Variants in FAM178B observed in about 807,000 individuals in gnomAD.
FAM178B encodes protein FAM178B.
In FAM178B, 82 loss-of-function variants were observed where a neutral mutation model predicts 91.7. The observed-to-expected ratio is 0.89, with a 90% CI of 0.75 to 1.07. The LOEUF (loss-of-function observed/expected upper bound fraction) is 1.07. Among genes scored for constraint, FAM178B ranks in the 50% least tolerant of loss-of-function variants. The probability of loss-of-function intolerance (pLI) is 0.00; values close to 1 mark genes in which losing one functional copy is unlikely to be tolerated. For synonymous variants in FAM178B, 368 were observed against 359.4 expected (o/e 1.02, Z -0.27); for missense variants, 769 against 846.7 (o/e 0.91, Z 1.14).
chr2:96,906,206 T>TTC (rs1267771656), intron 12 of FAM178B, among the ~76,000 whole-genome samples: 2 of 144,212 alleles, frequency 1.4e-5, no homozygotes, highest in South Asian at 2.2e-4. Context: ...TTTTCTTTCT[T>TTC]TTTTTTTTTT....
At chr2:96,934,460 C>T (rs970193262) in intron 8 of FAM178B, among the ~76,000 whole-genome samples, 12 of 152,132 alleles carry the variant, frequency 7.9e-5, no homozygotes, top group African/African-American at 2.4e-4. Flanking sequence ...TGAAGGGAAG[C>T]CACTGGACTT....
At chr2:96,923,628 G>A (rs887931736) in intron 9 of FAM178B, 45 bp from the exon 10 acceptor site, 20 of 1,466,996 alleles carry the variant, frequency 1.4e-5, no homozygotes, top group Non-Finnish European at 1.8e-5. Context: ...CCAGGAGGGG[G>A]CACAGGGGCA....
chr2:96,904,713 G>A (rs995545681), intron 12 of FAM178B, among the ~76,000 whole-genome samples: 9 of 151,924 alleles, frequency 5.9e-5, no homozygotes, highest in Non-Finnish European at 2.9e-5. Context: ...TCATTTATAT[G>A]AGGTACAAAC....
At chr2:96,955,707 G>A (rs2081989947) in intron 6 of FAM178B, among the ~76,000 whole-genome samples, 1 of 152,128 alleles carries the variant, frequency 6.6e-6, no homozygotes, top group Admixed American at 6.5e-5. Context: ...ATAAGCGAGT[G>A]TTACCACAGG....
At chr2:96,949,471 A>T (rs2081888795) in intron 7 of FAM178B, among the ~76,000 whole-genome samples, 1 of 152,208 alleles carries the variant, frequency 6.6e-6, no homozygotes, top group East Asian at 1.9e-4. Flanking sequence ...GCAGGGAGAC[A>T]GCAGCAGAGG....
chr2:96,953,918 C>T (rs1252974300), intron 6 of FAM178B, among the ~76,000 whole-genome samples: 1 of 152,144 alleles, frequency 6.6e-6, no homozygotes, highest in Non-Finnish European at 1.5e-5. Context: ...ACAGCAGCAC[C>T]TGGGCTGGGA....
At chr2:96,948,875 G>A (rs2081876602) in intron 7 of FAM178B, among the ~76,000 whole-genome samples, 2 of 152,132 alleles carry the variant, frequency 1.3e-5, no homozygotes, top group African/African-American at 4.8e-5. Flanking sequence ...AGGGGTCACC[G>A]GGCTCCAGAG....
At chr2:96,880,952 G>A (rs2080367818) in intron 14 of FAM178B, among the ~76,000 whole-genome samples, 1 of 152,074 alleles carries the variant, frequency 6.6e-6, no homozygotes, top group South Asian at 2.1e-4. Flanking sequence ...ACTGGGTTTG[G>A]GGTGGGTGTG....
At chr2:96,961,117 G>A (rs1274386326) in intron 5 of FAM178B, among the ~76,000 whole-genome samples, 1 of 152,190 alleles carries the variant, frequency 6.6e-6, no homozygotes, top group Non-Finnish European at 1.5e-5. Context: ...CATGGACAAA[G>A]AAGGGACGAG....
In FAM178B at chr2:96,960,394, C is replaced by G; in HGVS notation, c.781G>C (p.Val261Leu). 1 of 1,551,660 alleles carries G rather than the reference C, an allele frequency of 6.4e-7. No homozygotes were observed. The highest frequency in any genetic ancestry group is 8.7e-7 in the Non-Finnish European group (1 of 1,146,864). Residue 261 changes from valine to leucine, a missense_variant, in exon 6 of 17, where the codon GTC becomes CTC. Transcript: ENST00000490605. ...AGAAACACAGTCTCACCTGGATGGA[C>G]CGGCGGGATGGTCTGCAGGGACACT... ...YSVSLQTIPP[V>L]HPGETVFLPR...
intron 8 of FAM178B, among the ~76,000 whole-genome samples, chr2:96,937,981 C>T (rs78409148): frequency 0.063 from 9,540 of 152,192 alleles, 980 homozygotes; most frequent in African/African-American, 0.22. Context: ...TTGCAGTGAG[C>T]CCTGATGCCA....
In FAM178B at chr2:96,947,880, G is replaced by A. The variant is rs1427551121; in HGVS notation, c.1016C>T (p.Thr339Ile). 2 of 1,541,122 alleles carry A rather than the reference G, an allele frequency of 1.3e-6. No individual in the cohort carries two copies. The highest frequency in any genetic ancestry group is 2.4e-5 in the East Asian group (1 of 40,876). Residue 339 changes from threonine to isoleucine, a missense_variant, in exon 8 of 17, where the codon ACA becomes ATA. Coordinates refer to ENST00000490605, the MANE Select transcript of FAM178B (RefSeq NM_001122646.3). ...LFQLLTWPPETSLGAFGLLWD... is the reference protein window; with the variant it reads ...LFQLLTWPPEISLGAFGLLWD... ...CAGAAGACCAAAGGCTCCCAAAGAT[G>A]TTTCTGGAGGCCATGTCAGCAGCTA...
At chr2:96,913,135 A>G (rs1176103812) in intron 12 of FAM178B, among the ~76,000 whole-genome samples, 1 of 152,234 alleles carries the variant, frequency 6.6e-6, no homozygotes, top group East Asian at 1.9e-4. Flanking sequence ...GAGAGGCAGG[A>G]CTGCCAGGAT....
intron 5 of FAM178B, among the ~76,000 whole-genome samples, chr2:96,962,088 G>A (rs1553508464): frequency 6.6e-6 from 1 of 152,140 alleles, no homozygotes; most frequent in Non-Finnish European, 1.5e-5. Flanking sequence ...GATCACCTGA[G>A]GTCGGGAGTT....
chr2:96,935,163 A>AAAAC (rs922900744), intron 8 of FAM178B, among the ~76,000 whole-genome samples: 7 of 151,140 alleles, frequency 4.6e-5, no homozygotes, highest in Admixed American at 2.0e-4. Flanking sequence ...GAACAAAATT[A>AAAAC]AAACAAACAA....
chr2:96,933,572 G>GC (rs2081577603), intron 8 of FAM178B, among the ~76,000 whole-genome samples: 1 of 152,212 alleles, frequency 6.6e-6, no homozygotes, highest in Non-Finnish European at 1.5e-5. Context: ...CCTGGCTCCT[G>GC]CCCCCCTTCT....
intron 13 of FAM178B, among the ~76,000 whole-genome samples, chr2:96,894,563 C>A (rs1359986793): frequency 8.6e-6 from 1 of 115,760 alleles, no homozygotes; most frequent in South Asian, 3.2e-4. Context: ...CCCCCACACA[C>A]CCCCACCCAC....
intron 9 of FAM178B, among the ~76,000 whole-genome samples, chr2:96,923,819 C>A (rs548907654): frequency 6.6e-6 from 1 of 152,168 alleles, no homozygotes; most frequent in South Asian, 2.1e-4. Context: ...GGTGGGGCTG[C>A]GGTCACCTGA....
chr2:96,981,129 T>C (rs1231811609), intron 1 of FAM178B, among the ~76,000 whole-genome samples: 2 of 151,918 alleles, frequency 1.3e-5, no homozygotes, highest in Non-Finnish European at 2.9e-5. Flanking sequence ...CCATGCCCAG[T>C]TAATTTTTGT....
Sources: gnomAD v4.1 joint callset for allele counts (sites outside exome capture counted in the v4.1 genomes callset) on GRCh38, gnomAD v4.1.1 for gene constraint, MANE v1.5 for transcripts, NCBI Gene and HGNC (gene_info 2026-07-23, HGNC 2026-07-21) for gene names.